Variants in IARS1 observed in about 807,000 individuals in gnomAD.
The protein encoded by IARS1 is isoleucine--tRNA ligase, cytoplasmic.
IARS1 carries 124 observed loss-of-function variants against 168.2 expected under a neutral mutation model. The ratio of observed to expected loss-of-function variants is 0.74; its 90% CI spans 0.64 to 0.86. IARS1 has a LOEUF of 0.86. Among genes scored for constraint, IARS1 ranks in the 40% least tolerant of loss-of-function variants. IARS1 has a pLI of 0.00. For missense variants in IARS1, 1,452 were observed against 1,515.8 expected (o/e 0.96, Z 0.70); for synonymous variants, 532 against 529.4 (o/e 1.00, Z -0.07).
chr9:92,250,468 G>A (rs923644666), intron 23 of IARS1, among the ~76,000 whole-genome samples, 179 bp from the exon 24 acceptor site: 1 of 152,206 alleles, frequency 6.6e-6, no homozygotes, highest in Non-Finnish European at 1.5e-5. Flanking sequence ...ATCTCCCCAA[G>A]GAGCCCCCAT....
chr9:92,250,418 T>TG lies in IARS1; in HGVS notation c.2430-130dup, dbSNP rs759452723. On this transcript the variant is annotated intron_variant, in intron 23 of 33. Transcript: ENST00000443024. ...TGGCTAGGCCCTCCTGGTGAAGCAC[T>TG]GGGGAAGGGCAGCGCAGTGCCTACC... 30 of 703,344 alleles carry TG rather than the reference T, an allele frequency of 4.3e-5. No individual in the cohort carries two copies. The East Asian group carries it at 5.0e-4, about 12-fold the overall frequency. The allele number at this position is 703,344 out of a possible 1,614,324, so 43.6% of individuals were successfully genotyped here.
chr9:92,225,895 A>G (rs540429556), intron 31 of IARS1, among the ~76,000 whole-genome samples: 2 of 152,368 alleles, frequency 1.3e-5, no homozygotes, highest in South Asian at 4.1e-4. Flanking sequence ...TAAGTGGGAC[A>G]GTGAGCAGCC....
chr9:92,288,366 G>A (rs1344826230), intron 2 of IARS1, 84 bp from the exon 3 acceptor site: 6 of 1,158,728 alleles, frequency 5.2e-6, no homozygotes, highest in South Asian at 1.3e-5. Flanking sequence ...TTGTCATAGT[G>A]GAGTCTTCAA....
At chr9:92,249,983 C>A in intron 24 of IARS1, 42 bp from the exon 25 acceptor site, 1 of 1,128,678 alleles carries the variant, frequency 8.9e-7, no homozygotes, top group South Asian at 1.3e-5. Flanking sequence ...AGCAGCCAGT[C>A]CTCTAAAACT....
At chr9:92,213,326 C>A (rs2133309666) in intron 33 of IARS1, among the ~76,000 whole-genome samples, 1 of 152,242 alleles carries the variant, frequency 6.6e-6, no homozygotes, top group Non-Finnish European at 1.5e-5. Flanking sequence ...ATAAGAAACC[C>A]ATAGCAAAAG....
chr9:92,250,727 C>T lies in IARS1; in HGVS notation c.2415G>A (p.Met805Ile), dbSNP rs1172489527. The change falls in exon 23 of 34, where the codon ATG (methionine) becomes ATA (isoleucine). Residue 805 changes from methionine (M) to isoleucine (I), a missense_variant. Transcript: ENST00000443024. ...DKDTLSIHYLMLPRVREELID... is the reference protein window; with the variant it reads ...DKDTLSIHYLILPRVREELID... ...TTGAGTCCTACCGAACACGGGGCAGCATGAGGTAGTGAATGCTGAGTGTGT... is the reference window on the plus strand; with the variant it reads ...TTGAGTCCTACCGAACACGGGGCAGTATGAGGTAGTGAATGCTGAGTGTGT... The T allele has an allele frequency of 1.9e-6, 3 of 1,610,810 alleles. No individual in the cohort carries two copies. The highest frequency in any genetic ancestry group is 1.1e-5 in the South Asian group (1 of 90,366).
chr9:92,279,790 A>AT lies in IARS1; in HGVS notation c.745+955dup, dbSNP rs149657645. 2.2e-3 allele frequency among the ~76,000 whole-genome samples: 333 copies of AT among 152,336 alleles called. 9 individuals carry two copies. The East Asian group carries it at 0.058, about 26-fold the overall frequency. ...ACTGAAACTCTGTACTCATTAAACAATAACTCCCCCTTCCCTCCCAGCCTC... is the reference window on the plus strand; with the variant it reads ...ACTGAAACTCTGTACTCATTAAACAATTAACTCCCCCTTCCCTCCCAGCCTC... On this transcript the variant is annotated intron_variant, in intron 7 of 33. Coordinates refer to ENST00000443024, the MANE Select transcript of IARS1 (RefSeq NM_002161.6).
rs1024540708 is a variant in IARS1 at position 92,285,704 on chromosome 9, T to C, written c.597+18A>G. On this transcript the variant is annotated intron_variant, in intron 6 of 33. Transcript: ENST00000443024. ...CTACAAAACTCAATGCTGAATAATG[T>C]CTCTACATTTCACGTACCTTATAAT... 4.8e-6 allele frequency: 7 copies of C among 1,443,588 alleles called. No individual in the cohort carries two copies. Among genetic ancestry groups the C allele is most frequent in the Non-Finnish European group, 6.8e-6 (7 of 1,024,588 alleles). 89.4% of individuals were successfully genotyped at this position (1,443,588 alleles called of 1,614,324 possible).
rs1362474553 is a variant in IARS1, at chr9:92,243,236, T to A, written c.2980A>T (p.Ile994Leu). The change falls in exon 28 of 34, where the codon ATA (isoleucine) becomes TTA (leucine). Residue 994 changes from isoleucine to leucine, a missense_variant. Ile to Leu is a conservative substitution (Grantham distance 5). Transcript: ENST00000443024. The stretch of plus-strand genomic sequence containing the variant: ...CTAACCTTTTTGCGAAGTTTCTGTA[T>A]GCGATTGATGACTTCCCGAGCCATT... Reference protein sequence around the residue: ...EGMAREVINRIQKLRKKCNLV... With the variant: ...EGMAREVINRLQKLRKKCNLV... 1 of 1,613,368 alleles carries A rather than the reference T, an allele frequency of 6.2e-7. No homozygotes were observed. The highest frequency in any genetic ancestry group is 1.3e-5 in the African/African-American group (1 of 74,922).
chr9:92,223,854 G>T (rs1825206389), intron 31 of IARS1, among the ~76,000 whole-genome samples: 1 of 152,178 alleles, frequency 6.6e-6, no homozygotes, highest in Non-Finnish European at 1.5e-5. Context: ...GTCAGAAGAT[G>T]TTATTTGACT....
chr9:92,214,713 T>C (rs147455121), intron 33 of IARS1, among the ~76,000 whole-genome samples: 1,543 of 152,150 alleles, frequency 0.01, 23 homozygotes, highest in African/African-American at 0.033. Context: ...GCTTTTCCGA[T>C]GGGCTTAAAA....
At chr9:92,271,867 T>C (rs1833093043) in intron 10 of IARS1, among the ~76,000 whole-genome samples, 1 of 152,208 alleles carries the variant, frequency 6.6e-6, no homozygotes, top group Non-Finnish European at 1.5e-5. Context: ...TTCTCAAATA[T>C]TATTTCCCAG....
In IARS1 at chr9:92,242,183, C is replaced by T. The variant is rs1828525402; in HGVS notation, c.3148G>A (p.Asp1050Asn). ...PLKPYPVSPS[D>N]KVLIQEKTQL... Reference sequence around the variant, plus strand: ...GTTTTTTCTTGAATAAGGACTTTATCCGATGGAGAAACTGGATATGGTTTC... The same window carrying T: ...GTTTTTTCTTGAATAAGGACTTTATTCGATGGAGAAACTGGATATGGTTTC... Residue 1050 changes from aspartate to asparagine, a missense_variant, in exon 29 of 34, where the codon GAT becomes AAT. By Grantham distance (23) the Asp-to-Asn change is conservative (BLOSUM62 1). Coordinates refer to ENST00000443024, the MANE Select transcript of IARS1 (RefSeq NM_002161.6). The T allele has an allele frequency of 5.0e-6, 8 of 1,613,924 alleles. No homozygotes were observed. Among genetic ancestry groups the T allele is most frequent in the South Asian group, 1.1e-5 (1 of 91,044 alleles).
intron 1 of IARS1, among the ~76,000 whole-genome samples, chr9:92,290,332 T>C (rs968652594): frequency 6.6e-6 from 1 of 152,236 alleles, no homozygotes; most frequent in African/African-American, 2.4e-5. Flanking sequence ...CACATGCTTA[T>C]TGGCCATTTG....
At chr9:92,292,403 T>TG (rs1286448257) in intron 1 of IARS1, 1 of 153,422 alleles carries the variant, frequency 6.5e-6, no homozygotes, top group African/African-American at 2.4e-5. Flanking sequence ...TAAGAATCAC[T>TG]GCATTATTAC....
chr9:92,210,524 T>C lies in IARS1; in HGVS notation c.*283A>G. 1 of 285,144 alleles carries C rather than the reference T, an allele frequency of 3.5e-6. No homozygotes were observed. Among genetic ancestry groups the C allele is most frequent in the Non-Finnish European group, 6.6e-6 (1 of 152,400 alleles). The allele number at this position is 285,144 out of a possible 1,614,324, so 17.7% of individuals were successfully genotyped here. On this transcript the variant is annotated 3_prime_UTR_variant, in exon 34 of 34. Coordinates refer to ENST00000443024, the MANE Select transcript of IARS1 (RefSeq NM_002161.6). ...CCATTTAAATCACTTCTATCTTCTG[T>C]ACTTAAGAACTCAAGTATAGAAATA... is the stretch of plus-strand genomic sequence containing the variant.
intron 33 of IARS1, among the ~76,000 whole-genome samples, chr9:92,213,864 T>C (rs980924071): frequency 1.3e-4 from 20 of 151,912 alleles, no homozygotes; most frequent in Non-Finnish European, 2.9e-5. Flanking sequence ...CAGGCTGGAG[T>C]GCAGTGATGC....
At chr9:92,260,510 C>A (rs969023189) in intron 17 of IARS1, among the ~76,000 whole-genome samples, 11 of 151,988 alleles carry the variant, frequency 7.2e-5, no homozygotes, top group African/African-American at 2.7e-4. Flanking sequence ...CAAAAATTAG[C>A]TGGGCGTGGG....
intron 6 of IARS1, 99 bp from the exon 7 acceptor site, chr9:92,280,992 G>C: frequency 1.3e-6 from 1 of 755,196 alleles, no homozygotes; most frequent in Non-Finnish European, 2.0e-6. Flanking sequence ...TAAATCTTCA[G>C]GGTAAACCGA....
Sources: allele counts gnomAD v4.1 joint callset (sites outside exome capture counted in the v4.1 genomes callset), GRCh38; gene constraint gnomAD v4.1.1; transcripts MANE v1.5; gene names NCBI Gene and HGNC (gene_info 2026-07-23, HGNC 2026-07-21).